The following LRRC37A3 variants were observed in gnomAD, a reference collection of about 807,000 sequenced individuals.
LRRC37A3 encodes the protein leucine rich repeat containing 37 member A3.
LRRC37A3 carries 25 observed loss-of-function variants against 106.2 expected under a neutral mutation model. That is an observed-to-expected ratio of 0.24 (90% confidence interval 0.17 to 0.33). The LOEUF (loss-of-function observed/expected upper bound fraction) is 0.33, where lower values mean the gene tolerates loss of function less well. Among genes scored for constraint, LRRC37A3 ranks in the 10% least tolerant of loss-of-function variants. LRRC37A3 has a pLI of 1.00. For missense variants in LRRC37A3, 712 were observed against 1,644.9 expected, an observed-to-expected ratio of 0.43 and a Z score of 9.81; for synonymous variants, 305 against 635.8, an observed-to-expected ratio of 0.48 and a Z score of 7.83.
Position 64,858,807 on chromosome 17 carries a change from A to G in LRRC37A3, c.4781T>C (p.Ile1594Thr). Residue 1594 changes from isoleucine to threonine, a missense_variant, in exon 13 of 15, where the codon ATT becomes ACT. Physicochemically the swap from Ile to Thr is moderately conservative, Grantham distance 89 (BLOSUM62 -1). Coordinates refer to ENST00000584306, the MANE Select transcript of LRRC37A3 (RefSeq NM_199340.5). Reference sequence around the variant, plus strand: ...AATGAGGCAGAGAAGTATAATCAAAATCGTTAGTATTCCAGTCACAATTAA... The same window carrying G: ...AATGAGGCAGAGAAGTATAATCAAAGTCGTTAGTATTCCAGTCACAATTAA... The part of the protein sequence containing the change: ...LALIVTGILT[I>T]LIILLCLIEI... The G allele has an allele frequency of 6.2e-7, 1 of 1,613,122 alleles. No homozygotes were observed. Among genetic ancestry groups the G allele is most frequent in the Non-Finnish European group, 8.5e-7 (1 of 1,179,234 alleles).
rs1248068101 is a variant in LRRC37A3 at position 64,862,902 on chromosome 17, C to A, written c.3170G>T (p.Cys1057Phe). 1.3e-6 allele frequency: 2 copies of A among 1,599,114 alleles called. No homozygotes were observed. The highest frequency in any genetic ancestry group is 2.2e-5 in the East Asian group (1 of 44,900). The part of the protein sequence containing the change: ...NSACLTNTTH[C>F]PEEASVGNPE... ...ATCACCATGCAATTTGGACTCACGA[C>A]AATGTGTGGTGTTTGTCAGACATGC... Residue 1057 changes from cysteine (C) to phenylalanine (F), a missense_variant and splice_region_variant, in exon 11 of 15, where the codon TGT becomes TTT. By Grantham distance (205) the Cys-to-Phe change is radical. Transcript: ENST00000584306.
chr17:64,866,612 ATATATATATATATATATTTTTTTTTT>A (rs1567766617), intron 10 of LRRC37A3, among the ~76,000 whole-genome samples: 20 of 21,354 alleles, frequency 9.4e-4, no homozygotes, highest in African/African-American at 5.4e-3. Flanking sequence ...ATATATATAT[ATATATATATATATATATTTTTTTTTT>A]TTTTTTTTTT....
At position 64,860,028 on chromosome 17, in the gene LRRC37A3, A is replaced by T. The variant is rs780876674; in HGVS notation, c.4118T>A (p.Leu1373Gln). ...ATGTTCTGAAGGAGCAGATACTTCC[A>T]GAAAAGGATTTTCTTGAGGACTCAG... ...RDLSPQENPF[L>Q]EVSAPSEHFI... The change falls in exon 12 of 15, where the codon CTG (leucine) becomes CAG (glutamine). Residue 1373 changes from leucine to glutamine, a missense_variant. Transcript: ENST00000584306. The T allele has an allele frequency of 1.1e-5, 18 of 1,613,848 alleles. No individual in the cohort carries two copies. The highest frequency in any genetic ancestry group is 1.5e-5 in the Non-Finnish European group (18 of 1,179,870).
At chr17:64,863,200 A>T (rs1972934758) in intron 10 of LRRC37A3, 182 bp from the exon 11 acceptor site, 1 of 666,508 alleles carries the variant, frequency 1.5e-6, no homozygotes, top group Admixed American at 2.5e-5. Context: ...CTGAAGGGTA[A>T]GCATGGCAGT....
At chr17:64,874,997 C>G (rs1973459111) in intron 8 of LRRC37A3, among the ~76,000 whole-genome samples, 2 of 151,918 alleles carry the variant, frequency 1.3e-5, no homozygotes, top group Admixed American at 6.6e-5. Context: ...AAACCAGAGA[C>G]CTTTGTTCAC....
chr17:64,877,617 T>C (rs1355155517), intron 8 of LRRC37A3, among the ~76,000 whole-genome samples: 2 of 152,226 alleles, frequency 1.3e-5, no homozygotes, highest in Non-Finnish European at 2.9e-5. Context: ...AGTACAGTTC[T>C]TATCAAAATC....
rs1972796792 is a variant in LRRC37A3 at position 64,859,526 on chromosome 17, T to C, written c.4620A>G (p.Glu1540=). Residue 1540 remains glutamate, a synonymous_variant, in exon 12 of 15, where the codon GAA becomes GAG. Coordinates refer to ENST00000584306, the MANE Select transcript of LRRC37A3 (RefSeq NM_199340.5). The part of the protein sequence containing the change: ...GQQEVKASKI[E]WDTDQWKTEN... ...CAGTCTTCCATTGGTCCGTATCCCA[T>C]TCTATCTTGGATGCCTTTACTTCCT... The C allele has an allele frequency of 6.2e-7, 1 of 1,611,822 alleles. No individual in the cohort carries two copies. The highest frequency in any genetic ancestry group is 8.5e-7 in the Non-Finnish European group (1 of 1,179,738).
chr17:64,866,144 G>C (rs1973062288), intron 10 of LRRC37A3, among the ~76,000 whole-genome samples: 2 of 151,612 alleles, frequency 1.3e-5, no homozygotes, highest in South Asian at 4.2e-4. Context: ...CAGAGGATGA[G>C]AGCATTTTTC....
intron 14 of LRRC37A3, 76 bp downstream of exon 14, chr17:64,855,764 T>C (rs1248430602): frequency 6.2e-7 from 1 of 1,602,792 alleles, no homozygotes; most frequent in East Asian, 2.2e-5. Flanking sequence ...ATCGCGTCAT[T>C]GCACTCCAGC....
chr17:64,879,941 T>C (rs938105635), intron 8 of LRRC37A3, among the ~76,000 whole-genome samples: 2 of 152,196 alleles, frequency 1.3e-5, no homozygotes, highest in Non-Finnish European at 2.9e-5. Context: ...TAAGGCAGTA[T>C]GTAGCCAAAC....
intron 10 of LRRC37A3, among the ~76,000 whole-genome samples, chr17:64,868,206 G>A (rs1973183071): frequency 1.3e-5 from 2 of 152,164 alleles, no homozygotes; most frequent in South Asian, 4.1e-4. Context: ...TAGCTAACAG[G>A]GGCTGATGGT....
At chr17:64,908,964 G>A (rs908520848) in intron 2 of LRRC37A3, among the ~76,000 whole-genome samples, 5 of 151,422 alleles carry the variant, frequency 3.3e-5, no homozygotes, top group East Asian at 1.9e-4. Context: ...TAATAGAGAC[G>A]GGGTCTCACC....
intron 8 of LRRC37A3, among the ~76,000 whole-genome samples, chr17:64,881,612 C>T (rs1280142369): frequency 1.6e-5 from 2 of 124,542 alleles, no homozygotes; most frequent in South Asian, 5.8e-4. Context: ...CAATGAGCAA[C>T]AACAGAAGAA....
Position 64,911,845 on chromosome 17 carries a change from GTC to G in LRRC37A3, c.-496+6903_-496+6904del, listed in dbSNP as rs1407076930. The stretch of plus-strand genomic sequence containing the variant: ...ATCCTGGCCAACATGGTGAAACCCC[GTC>G]TCTACTAAAAATACAAAAATTAGCT... On this transcript the variant is annotated intron_variant, in intron 2 of 14. Coordinates refer to ENST00000584306, the MANE Select transcript of LRRC37A3 (RefSeq NM_199340.5). 8.2e-5 allele frequency among the ~76,000 whole-genome samples: 11 copies of G among 134,662 alleles called. No homozygotes were observed. In the South Asian group the frequency reaches 2.9e-3, roughly 36 times the overall value. The allele number at this position is 134,662 out of a possible 152,430, so 88.3% of individuals were successfully genotyped here.
rs557173835 is a variant in LRRC37A3 at position 64,858,470 on chromosome 17, C to T, written c.4809+309G>A. On this transcript the variant is annotated intron_variant, in intron 13 of 14. Transcript: ENST00000584306. Reference sequence around the variant, plus strand: ...TAATTTAGTGGCAGAGTAAGGGTGACTTGGTGAGTACATCCAATTGTTGAC... The same window carrying T: ...TAATTTAGTGGCAGAGTAAGGGTGATTTGGTGAGTACATCCAATTGTTGAC... 4.6e-5 allele frequency among the ~76,000 whole-genome samples: 7 copies of T among 152,272 alleles called. No individual in the cohort carries two copies. In the East Asian group the frequency reaches 1.3e-3, roughly 29 times the overall value.
In LRRC37A3 at chr17:64,859,770, T is replaced by C; in HGVS notation, c.4376A>G (p.Lys1459Arg). 1 of 1,612,672 alleles carries C rather than the reference T, an allele frequency of 6.2e-7. No individual in the cohort carries two copies. The highest frequency in any genetic ancestry group is 1.1e-5 in the South Asian group (1 of 90,988). Residue 1459 changes from lysine (K) to arginine (R), a missense_variant, in exon 12 of 15, where the codon AAA (lysine) becomes AGA (arginine). Lys to Arg is a conservative substitution (Grantham distance 26, BLOSUM62 2). Coordinates refer to ENST00000584306, the MANE Select transcript of LRRC37A3 (RefSeq NM_199340.5). ...NVGTDLSPEPKSFNYPLLSSP... is the reference protein window; with the variant it reads ...NVGTDLSPEPRSFNYPLLSSP... ...CGAGAGCAATGGGTAATTGAAGCTT[T>C]TGGGCTCGGGGGACAGGTCAGTGCC...
intron 8 of LRRC37A3, among the ~76,000 whole-genome samples, chr17:64,872,198 C>CA (rs1267548038): frequency 2.3e-5 from 2 of 86,048 alleles, no homozygotes; most frequent in African/African-American, 4.5e-5. Context: ...CAACAAATAC[C>CA]AAAAAAATAG....
chr17:64,868,546 A>G lies in LRRC37A3; in HGVS notation c.2979-10T>C. 6.2e-7 allele frequency: 1 copy of G among 1,603,428 alleles called. No homozygotes were observed. The highest frequency in any genetic ancestry group is 8.5e-7 in the Non-Finnish European group (1 of 1,173,568). On this transcript the variant is annotated splice_polypyrimidine_tract_variant and intron_variant, in intron 9 of 14. Transcript: ENST00000584306. ...CGTTGTTCCCATGTCTCTGAAGAAG[A>G]AAGCCGAAACATTCATGATATGAGC...
chr17:64,909,428 A>G (rs1397638920), intron 2 of LRRC37A3, among the ~76,000 whole-genome samples: 1 of 152,232 alleles, frequency 6.6e-6, no homozygotes. Flanking sequence ...TAAAGTTTGA[A>G]AAGCTGCCTT....
Sources: gnomAD v4.1 joint callset for allele counts (sites outside exome capture counted in the v4.1 genomes callset) on GRCh38, gnomAD v4.1.1 for gene constraint, MANE v1.5 for transcripts, NCBI Gene and HGNC (gene_info 2026-07-23, HGNC 2026-07-21) for gene names.